Variants in PPM1B observed in about 807,000 individuals in gnomAD.
PPM1B encodes the protein protein phosphatase 1B.
PPM1B carries 22 observed loss-of-function variants against 43.0 expected under a neutral mutation model. The ratio of observed to expected loss-of-function variants is 0.51; its 90% confidence interval spans 0.37 to 0.73. The LOEUF (loss-of-function observed/expected upper bound fraction) is 0.73. Ranked by LOEUF, PPM1B falls within the 30% of genes least tolerant of loss-of-function variation. The pLI, the probability that PPM1B is intolerant of heterozygous loss-of-function variation, is 0.00. For missense variants in PPM1B, 632 were observed against 584.2 expected (o/e 1.08, Z -0.84); for synonymous variants, 217 against 197.9 (o/e 1.10, Z -0.81).
chr2:44,185,078 A>G (rs1043301368), intron 1 of PPM1B, among the ~76,000 whole-genome samples: 3 of 151,626 alleles, frequency 2.0e-5, no homozygotes, highest in African/African-American at 7.3e-5. Flanking sequence ...AATCCTAATT[A>G]TTGTATACAT....
At chr2:44,199,767 C>G (rs1668844473) in intron 1 of PPM1B, among the ~76,000 whole-genome samples, 1 of 152,112 alleles carries the variant, frequency 6.6e-6, no homozygotes, top group African/African-American at 2.4e-5. Context: ...TTTCAGGACT[C>G]TTTTTCTATA....
chr2:44,177,513 G>A (rs1005810176), intron 1 of PPM1B, among the ~76,000 whole-genome samples: 1 of 148,136 alleles, frequency 6.8e-6, no homozygotes, highest in African/African-American at 2.5e-5. Flanking sequence ...CCGCCTTCAG[G>A]TTTTAAGTAA....
chr2:44,183,375 G>A (rs927831396), intron 1 of PPM1B, among the ~76,000 whole-genome samples: 8 of 152,136 alleles, frequency 5.3e-5, no homozygotes, highest in African/African-American at 1.4e-4. Flanking sequence ...CATTCTTCCC[G>A]TGTGGTTTTG....
chr2:44,225,224 A>ACCTATGAATAT (rs1382757852), intron 5 of PPM1B, among the ~76,000 whole-genome samples: 7 of 152,240 alleles, frequency 4.6e-5, no homozygotes, highest in Non-Finnish European at 1.0e-4. Flanking sequence ...AGGAGGACAT[A>ACCTATGAATAT]GAATGGAATA....
At chr2:44,229,009 C>T (rs557271768) in intron 5 of PPM1B, among the ~76,000 whole-genome samples, 1 of 151,852 alleles carries the variant, frequency 6.6e-6, no homozygotes, top group Non-Finnish European at 1.5e-5. Context: ...ATGGAGAAAC[C>T]CTGTCTCTAC....
chr2:44,196,441 A>T (rs1668667596), intron 1 of PPM1B, among the ~76,000 whole-genome samples: 1 of 152,230 alleles, frequency 6.6e-6, no homozygotes, highest in African/African-American at 2.4e-5. Context: ...CCAAGAATAT[A>T]AACCGTTGAT....
Position 44,231,109 on chromosome 2 carries a change from T to C in PPM1B, c.*391T>C, listed in dbSNP as rs1354505489. The C allele has an allele frequency of 4.4e-6, 4 of 916,950 alleles. No individual in the cohort carries two copies. The highest frequency in any genetic ancestry group is 1.3e-6 in the Non-Finnish European group (1 of 767,616). The allele number at this position is 916,950 out of a possible 1,614,324, so 56.8% of individuals were successfully genotyped here. A position where few individuals can be genotyped will look rare whatever the true frequency, so the allele number is the denominator to read the frequency against. The stretch of plus-strand genomic sequence containing the variant: ...ATTATTTTACCTATTAGTACACTCA[T>C]AGTTAGCTTTGTAATAAATTTATGT... On this transcript the variant is annotated 3_prime_UTR_variant, in exon 6 of 6. Transcript: ENST00000282412.
chr2:44,216,481 A>G (rs1669724620), intron 3 of PPM1B, among the ~76,000 whole-genome samples: 1 of 152,194 alleles, frequency 6.6e-6, no homozygotes, highest in African/African-American at 2.4e-5. Context: ...GCAGTCTATG[A>G]CCCAATAAAC....
At chr2:44,241,784 G>A (rs1401874966) in intron 5 of PPM1B, among the ~76,000 whole-genome samples, 1 of 145,450 alleles carries the variant, frequency 6.9e-6, no homozygotes, top group African/African-American at 2.6e-5. Flanking sequence ...ATATAACACA[G>A]AAATAATAGC....
chr2:44,222,899 T>C (rs1422554097), intron 5 of PPM1B, among the ~76,000 whole-genome samples: 2 of 152,160 alleles, frequency 1.3e-5, no homozygotes, highest in Admixed American at 6.5e-5. Context: ...GGCACCATCA[T>C]GGCTCTCTGT....
chr2:44,233,110 T>C (rs937503235), downstream of PPM1B: 7 of 979,058 alleles, frequency 7.1e-6, no homozygotes, highest in African/African-American at 1.2e-4. Context: ...AAAGATGAGA[T>C]TTGCCTTTAT....
intron 3 of PPM1B, among the ~76,000 whole-genome samples, chr2:44,217,276 G>A (rs866117828): frequency 6.6e-6 from 1 of 151,834 alleles, no homozygotes; most frequent in South Asian, 2.1e-4. Context: ...GCACATGCCT[G>A]TAATCCCAGC....
rs1374561597 is a variant in PPM1B, at chr2:44,221,798, AAGT to A, written c.1134+3264_1134+3266del. On this transcript the variant is annotated intron_variant, in intron 5 of 5. Coordinates refer to ENST00000282412, the MANE Select transcript of PPM1B (RefSeq NM_002706.6). ...ATCTTTTAAATAAATATTTTTCAGA[AAGT>A]AGAGTTGAGTATAAGTCATAAATTA... Among the ~76,000 whole-genome samples the A allele has an allele frequency of 5.3e-5, 8 of 152,192 alleles. No homozygotes were observed. In the East Asian group the frequency reaches 1.5e-3, roughly 29 times the overall value.
intron 1 of PPM1B, among the ~76,000 whole-genome samples, chr2:44,176,358 G>C (rs939503759): frequency 6.6e-6 from 1 of 152,216 alleles, no homozygotes; most frequent in African/African-American, 2.4e-5. Context: ...ATAGCTGAAG[G>C]ATTAGTGGTT....
At chr2:44,214,376 G>GT (rs909267891) in intron 3 of PPM1B, among the ~76,000 whole-genome samples, 189 of 143,230 alleles carry the variant, frequency 1.3e-3, no homozygotes, top group African/African-American at 2.4e-3. Flanking sequence ...ACCCCATAGA[G>GT]TTTTTTTTTT....
At chr2:44,183,493 T>C (rs143720898) in intron 1 of PPM1B, among the ~76,000 whole-genome samples, 24 of 152,166 alleles carry the variant, frequency 1.6e-4, no homozygotes, top group African/African-American at 5.8e-4. Flanking sequence ...TGGGATAAGG[T>C]TTACATAAGT....
intron 1 of PPM1B, among the ~76,000 whole-genome samples, chr2:44,187,971 C>T (rs779568191): frequency 7.2e-5 from 11 of 152,156 alleles, no homozygotes; most frequent in Non-Finnish European, 1.2e-4. Flanking sequence ...AGGATGGTCT[C>T]AATCTCCTGA....
downstream of PPM1B, chr2:44,233,258 T>G (rs1670520234): frequency 1.1e-6 from 1 of 890,882 alleles, no homozygotes; most frequent in Non-Finnish European, 1.3e-6. Context: ...CACATTGAAA[T>G]TACTATAAAT....
chr2:44,201,038 A>C lies in PPM1B; in HGVS notation c.-14-148A>C. 1 of 795,458 alleles carries C rather than the reference A, an allele frequency of 1.3e-6. No homozygotes were observed. The highest frequency in any genetic ancestry group is 3.3e-5 in the Admixed American group (1 of 30,678). The allele number at this position is 795,458 out of a possible 1,614,324, so 49.3% of individuals were successfully genotyped here. ...CTGTTCTGTAGGATGTAGGGGAGGA[A>C]ATTTCTTGGGCTTTTGTTGTTGCTC... On this transcript the variant is annotated intron_variant, in intron 1 of 5. Transcript: ENST00000282412. This position sits in a 1 kb window ranked among gnomAD's most constrained non-coding sequence, Gnocchi z 5.4.
Sources: gnomAD v4.1 joint callset for allele counts (sites outside exome capture counted in the v4.1 genomes callset) on GRCh38, gnomAD v4.1.1 for gene constraint, Gnocchi (gnomAD v3.1) non-coding constraint, MANE v1.5 for transcripts, NCBI Gene and HGNC (gene_info 2026-07-23, HGNC 2026-07-21) for gene names.